SLC8A1: variants seen among roughly 807,000 people sequenced by gnomAD.
SLC8A1 encodes the protein solute carrier family 8 member A1, also known as sodium/calcium exchanger 1.
In SLC8A1, 18 loss-of-function variants were observed where a neutral mutation model predicts 68.3. The observed-to-expected ratio is 0.26, with a 90% CI of 0.18 to 0.39. The LOEUF (loss-of-function observed/expected upper bound fraction) is 0.39, where lower values mean the gene tolerates loss of function less well. SLC8A1 is among the 10% of genes least tolerant of loss of function. The probability of loss-of-function intolerance (pLI) is 1.00; values close to 1 mark genes in which losing one functional copy is unlikely to be tolerated. For missense variants in SLC8A1, 985 were observed against 1,156.7 expected (o/e 0.85, Z 2.15); for synonymous variants, 475 against 415.5 (o/e 1.14, Z -1.74).
chr2:40,278,256 G>A (rs2067028644), intron 2 of SLC8A1, among the ~76,000 whole-genome samples: 1 of 152,036 alleles, frequency 6.6e-6, no homozygotes, highest in Admixed American at 6.6e-5. Flanking sequence ...GGATCATGAG[G>A]TCAAGAGATA....
intron 2 of SLC8A1, among the ~76,000 whole-genome samples, chr2:40,354,512 G>A (rs143867545): frequency 6.6e-6 from 1 of 152,234 alleles, no homozygotes; most frequent in East Asian, 1.9e-4. Context: ...GACCTAGAAG[G>A]CATCATAATT....
chr2:40,421,879 A>G (rs973923597), intron 2 of SLC8A1, among the ~76,000 whole-genome samples: 1 of 152,222 alleles, frequency 6.6e-6, no homozygotes, highest in Admixed American at 6.5e-5. Flanking sequence ...ATACATGGGT[A>G]TTATGTAGGC....
chr2:40,494,675 A>C (rs950961421), intron 1 of SLC8A1, among the ~76,000 whole-genome samples: 6 of 126,510 alleles, frequency 4.7e-5, no homozygotes, highest in African/African-American at 1.2e-4. Context: ...ATATATATAT[A>C]TATATATATC....
chr2:40,143,128 G>A (rs550516766), intron 6 of SLC8A1, among the ~76,000 whole-genome samples: 31 of 152,082 alleles, frequency 2.0e-4, no homozygotes, highest in Non-Finnish European at 4.0e-4. Flanking sequence ...GGATCTCACT[G>A]CTCTTTATAA....
At chr2:40,286,440 C>T (rs2068324612) in intron 2 of SLC8A1, among the ~76,000 whole-genome samples, 1 of 152,152 alleles carries the variant, frequency 6.6e-6, no homozygotes, top group Non-Finnish European at 1.5e-5. Context: ...TATGTTAAGA[C>T]TACTACATGA....
chr2:40,230,989 C>T (rs531064099), intron 2 of SLC8A1, among the ~76,000 whole-genome samples: 25 of 152,240 alleles, frequency 1.6e-4, no homozygotes, highest in African/African-American at 4.8e-4. Flanking sequence ...ATCATCAAAC[C>T]GAGTGGTAAG....
At chr2:40,194,496 TGTGTGTGTGTGCGCGC>T (rs1030020274) in intron 2 of SLC8A1, among the ~76,000 whole-genome samples, 10 of 146,088 alleles carry the variant, frequency 6.8e-5, no homozygotes, top group Non-Finnish European at 1.2e-4. Context: ...TGTGTGTGTG[TGTGTGTGTGTGCGCGC>T]GCAAAGAAAA....
chr2:40,429,040 C>G (rs1313875125), exon 2 of SLC8A1: 1 of 1,612,490 alleles, frequency 6.2e-7, no homozygotes, highest in East Asian at 2.2e-5. Context: ...CTGATATGTC[C>G]CTTGTTCAAA....
At chr2:40,312,787 A>G (rs961318316) in intron 2 of SLC8A1, among the ~76,000 whole-genome samples, 5 of 152,112 alleles carry the variant, frequency 3.3e-5, no homozygotes, top group Non-Finnish European at 7.4e-5. Context: ...AACTGTAGAA[A>G]ACTATAGATT....
chr2:40,203,881 T>TA (rs200134617), intron 2 of SLC8A1, among the ~76,000 whole-genome samples: 11 of 151,772 alleles, frequency 7.2e-5, no homozygotes, highest in African/African-American at 2.4e-4. Context: ...ATTTTTTAAT[T>TA]AAAAATTTTT....
chr2:40,410,203 T>A (rs1026195754), intron 2 of SLC8A1, among the ~76,000 whole-genome samples: 2 of 152,044 alleles, frequency 1.3e-5, no homozygotes, highest in African/African-American at 4.8e-5. Context: ...ATAGTACCCC[T>A]CCGAGGGCAA....
chr2:40,138,755 T>C (rs567325229), intron 7 of SLC8A1, among the ~76,000 whole-genome samples: 2 of 152,322 alleles, frequency 1.3e-5, no homozygotes, highest in East Asian at 1.9e-4. Context: ...GATGATGTCT[T>C]ACTCAGAAAT....
chr2:40,320,025 T>C (rs1022232814), intron 2 of SLC8A1, among the ~76,000 whole-genome samples: 45 of 152,212 alleles, frequency 3.0e-4, no homozygotes, highest in African/African-American at 1.0e-3. Flanking sequence ...AGAATGATGG[T>C]CAAATGCCAA....
At chr2:40,291,045 G>C (rs994024569) in intron 2 of SLC8A1, among the ~76,000 whole-genome samples, 3 of 152,148 alleles carry the variant, frequency 2.0e-5, no homozygotes, top group Non-Finnish European at 1.5e-5. Context: ...TGAACATCAG[G>C]ATTGGAATTT....
At chr2:40,289,688 T>C (rs1179675202) in intron 2 of SLC8A1, among the ~76,000 whole-genome samples, 3 of 151,914 alleles carry the variant, frequency 2.0e-5, no homozygotes, top group African/African-American at 7.3e-5. Flanking sequence ...CTGTCTCTAC[T>C]AAAATTATAA....
At chr2:40,429,793 G>A (rs1326951611) in exon 2 of SLC8A1, 1 of 1,613,782 alleles carries the variant, frequency 6.2e-7, no homozygotes, top group Admixed American at 1.7e-5. Context: ...GAGGTCTCCT[G>A]CAGTGAAGTT....
At chr2:40,167,806 G>A (rs879885598) in intron 4 of SLC8A1, among the ~76,000 whole-genome samples, 3 of 152,070 alleles carry the variant, frequency 2.0e-5, no homozygotes, top group African/African-American at 4.8e-5. Flanking sequence ...CTTAATATTC[G>A]TTGTGTGTAT....
intron 1 of SLC8A1, among the ~76,000 whole-genome samples, chr2:40,503,326 G>A (rs1162216604): frequency 6.6e-6 from 1 of 151,896 alleles, no homozygotes; most frequent in African/African-American, 2.4e-5. Flanking sequence ...GCTTTGCAAC[G>A]GCCTGTTTTT....
intron 2 of SLC8A1, among the ~76,000 whole-genome samples, chr2:40,271,878 T>A (rs12620385): frequency 0.12 from 17,921 of 152,138 alleles, 1,587 homozygotes; most frequent in East Asian, 0.41. Context: ...TTATTTATTT[T>A]TTTTTAGAGT....
Sources: allele counts gnomAD v4.1 joint callset (sites outside exome capture counted in the v4.1 genomes callset), GRCh38; gene constraint gnomAD v4.1.1; transcripts MANE v1.5; gene names NCBI Gene and HGNC (gene_info 2026-07-23, HGNC 2026-07-21).